PHF3: variants seen among roughly 807,000 people sequenced by gnomAD.
The protein encoded by PHF3 is PHD finger protein 3.
In PHF3, 41 loss-of-function variants were observed where a neutral mutation model predicts 178.4. The observed-to-expected ratio is 0.23, with a 90% CI of 0.18 to 0.30. The LOEUF (loss-of-function observed/expected upper bound fraction) is 0.30. Among genes scored for constraint, PHF3 ranks in the 10% least tolerant of loss-of-function variants. The pLI is 1.00. For synonymous variants in PHF3, 842 were observed against 800.5 expected (o/e 1.05, Z -0.88); for missense variants, 2,346 against 2,398.1 (o/e 0.98, Z 0.45).
rs1437186023 is a variant in PHF3 at position 63,636,078 on chromosome 6, C to T, written c.-98C>T. 2.5e-6 allele frequency: 1 copy of T among 392,638 alleles called. No homozygotes were observed. Among genetic ancestry groups the T allele is most frequent in the Non-Finnish European group, 4.5e-6 (1 of 222,656 alleles). The allele number at this position is 392,638 out of a possible 1,614,324, so 24.3% of individuals were successfully genotyped here. A position where few individuals can be genotyped will look rare whatever the true frequency, so the allele number is the denominator to read the frequency against. The stretch of plus-strand genomic sequence containing the variant: ...GCGGCACCCACCGGGCCCCCTCCTC[C>T]TCCTCTTCGGCGGCGGCAGCGTCCA... On this transcript the variant is annotated 5_prime_UTR_variant, in exon 1 of 16. Transcript: ENST00000262043.
In PHF3 at chr6:63,694,714, C is replaced by G; in HGVS notation, c.2630C>G (p.Pro877Arg). 6.3e-7 allele frequency: 1 copy of G among 1,595,956 alleles called. No individual in the cohort carries two copies. Among genetic ancestry groups the G allele is most frequent in the Admixed American group, 1.7e-5 (1 of 57,978 alleles). The change falls in exon 6 of 16, where the codon CCG becomes CGG. Residue 877 changes from proline to arginine, a missense_variant. Around this residue, in one of 8 missense-constraint regions of PHF3, gnomAD observed 252 missense variants for 232.0 expected, o/e 1.09. Transcript: ENST00000262043. Reference protein sequence around the residue: ...RSSEEKSEKIPKESTTVTCTG... With the variant: ...RSSEEKSEKIRKESTTVTCTG... ...TCAGAAGAAAAAAGTGAAAAAATAC[C>G]GAAAGAGTCTACAACTGTTACTTGC...
intron 2 of PHF3, among the ~76,000 whole-genome samples, chr6:63,676,915 A>T (rs1312250739): frequency 6.6e-6 from 1 of 152,162 alleles, no homozygotes; most frequent in African/African-American, 2.4e-5. Flanking sequence ...GATGTGTGAT[A>T]CATTTTGAAG....
intron 2 of PHF3, among the ~76,000 whole-genome samples, chr6:63,656,566 A>AT (rs139356471): frequency 0.05 from 7,618 of 151,838 alleles, 319 homozygotes; most frequent in African/African-American, 0.12. Context: ...TATTGAATTC[A>AT]TTTTTCCCCT....
chr6:63,716,369 G>A lies in PHF3; in HGVS notation c.*2661G>A, dbSNP rs927016653. On this transcript the variant is annotated 3_prime_UTR_variant, in exon 16 of 16. Transcript: ENST00000262043. ...ACCTTTCATAGCCCTCTTTCTTTGC[G>A]TTCCACTGAACTGTCTGAAACCCTT... Among the ~76,000 whole-genome samples, 18 of 152,112 alleles carry A rather than the reference G, an allele frequency of 1.2e-4. No individual in the cohort carries two copies. Among genetic ancestry groups the A allele is most frequent in the Non-Finnish European group, 1.0e-4 (7 of 67,994 alleles).
At position 63,721,219 on chromosome 6, in the gene PHF3, G is replaced by T. The variant is rs1028647946; in HGVS notation, c.*7511G>T. On this transcript the variant is annotated 3_prime_UTR_variant, in exon 16 of 16. Coordinates refer to ENST00000262043, the MANE Select transcript of PHF3 (RefSeq NM_001370348.2). Reference sequence around the variant, plus strand: ...CTTCCCACCCAACCCAAAGTACACAGGCAACTGTAAGAAAATGATTGGTCA... The same window carrying T: ...CTTCCCACCCAACCCAAAGTACACATGCAACTGTAAGAAAATGATTGGTCA... 26 of 1,551,674 alleles carry T rather than the reference G, an allele frequency of 1.7e-5. No individual in the cohort carries two copies. In the East Asian group the frequency reaches 6.4e-4, roughly 38 times the overall value.
intron 4 of PHF3, among the ~76,000 whole-genome samples, chr6:63,687,933 G>A (rs529082878): frequency 1.3e-5 from 2 of 152,208 alleles, no homozygotes; most frequent in East Asian, 3.9e-4. Context: ...TTTAACATTG[G>A]AAACAATTAT....
At chr6:63,638,488 CAT>C (rs1764441542) in intron 1 of PHF3, among the ~76,000 whole-genome samples, 1 of 152,046 alleles carries the variant, frequency 6.6e-6, no homozygotes, top group South Asian at 2.1e-4. Flanking sequence ...ATCCTTTTTA[CAT>C]ATGTTTTTTC....
chr6:63,683,076 G>T (rs1766509711), intron 3 of PHF3, among the ~76,000 whole-genome samples: 1 of 151,850 alleles, frequency 6.6e-6, no homozygotes, highest in African/African-American at 2.4e-5. Flanking sequence ...AAGTTATTAA[G>T]TACTTAACCT....
chr6:63,691,313 G>A (rs749654831), intron 4 of PHF3, among the ~76,000 whole-genome samples: 1 of 152,052 alleles, frequency 6.6e-6, no homozygotes, highest in Non-Finnish European at 1.5e-5. Context: ...GTGATGTCAC[G>A]TCTGTGGTGA....
intron 10 of PHF3, among the ~76,000 whole-genome samples, chr6:63,703,084 G>A (rs1295854537): frequency 6.6e-6 from 1 of 152,144 alleles, no homozygotes; most frequent in Admixed American, 6.5e-5. Context: ...CACCATGTTG[G>A]CCAGGCTGGT....
chr6:63,713,213 A>G lies in PHF3; in HGVS notation c.5625A>G (p.Ala1875=). 1 of 1,614,060 alleles carries G rather than the reference A, an allele frequency of 6.2e-7. No individual in the cohort carries two copies. The highest frequency in any genetic ancestry group is 8.5e-7 in the Non-Finnish European group (1 of 1,179,984). ...PQRMMGPLSQ[A]SRYIGPQNFY... ...GTATGATGGGTCCTCTCTCACAAGC[A>G]TCAAGGTATATAGGCCCGCAGAATT... The change falls in exon 16 of 16, where the codon GCA becomes GCG. Residue 1875 remains alanine, a synonymous_variant. Coordinates refer to ENST00000262043, the MANE Select transcript of PHF3 (RefSeq NM_001370348.2).
chr6:63,689,985 T>C (rs903936502), intron 4 of PHF3, among the ~76,000 whole-genome samples: 9 of 152,160 alleles, frequency 5.9e-5, no homozygotes, highest in Non-Finnish European at 1.3e-4. Flanking sequence ...TTTCAAGAAA[T>C]AGCAGTTAGC....
chr6:63,713,208 C>G lies in PHF3; in HGVS notation c.5620C>G (p.Gln1874Glu). 1 of 1,614,060 alleles carries G rather than the reference C, an allele frequency of 6.2e-7. No individual in the cohort carries two copies. The highest frequency in any genetic ancestry group is 8.5e-7 in the Non-Finnish European group (1 of 1,179,988). ...QPQRMMGPLS[Q>E]ASRYIGPQNF... ...ACAGCGTATGATGGGTCCTCTCTCA[C>G]AAGCATCAAGGTATATAGGCCCGCA... Residue 1874 changes from glutamine (Q) to glutamate (E), a missense_variant, in exon 16 of 16, where the codon CAA (glutamine) becomes GAA (glutamate). Gln to Glu is a conservative substitution (Grantham distance 29). Around this residue, in one of 8 missense-constraint regions of PHF3, gnomAD observed 839 missense variants for 806.9 expected, o/e 1.04. Transcript: ENST00000262043.
intron 2 of PHF3, among the ~76,000 whole-genome samples, chr6:63,664,598 A>G (rs1018631975): frequency 2.0e-5 from 3 of 152,136 alleles, no homozygotes; most frequent in Non-Finnish European, 2.9e-5. Flanking sequence ...AATATTTTAA[A>G]ATGTTGAGCC....
intron 6 of PHF3, among the ~76,000 whole-genome samples, chr6:63,697,062 C>T (rs1485263523): frequency 1.3e-5 from 2 of 151,656 alleles, no homozygotes; most frequent in Non-Finnish European, 2.9e-5. Flanking sequence ...TAGAAAGAGA[C>T]GGCTAGAGAG....
At chr6:63,637,589 CTTCA>C (rs1293344170) in intron 1 of PHF3, among the ~76,000 whole-genome samples, 1 of 152,096 alleles carries the variant, frequency 6.6e-6, no homozygotes, top group Non-Finnish European at 1.5e-5. Flanking sequence ...TAATTTTTCT[CTTCA>C]TTCATCTGTT....
Position 63,713,292 on chromosome 6 carries a change from G to GGTAGCC in PHF3, c.5708_5709insCCGTAG (p.Gly1902_Arg1903insSerArg), listed in dbSNP as rs752851600. 1 of 1,614,014 alleles carries GGTAGCC rather than the reference G, an allele frequency of 6.2e-7. No individual in the cohort carries two copies. The highest frequency in any genetic ancestry group is 8.5e-7 in the Non-Finnish European group (1 of 1,179,986). ...AGAAAGGCGCCATAGTGACCCTTGG[G>GGTAGCC]GTAGGCAAGACCAACAGCAACTGGA... On this transcript the variant is annotated inframe_insertion, in exon 16 of 16. Transcript: ENST00000262043.
At chr6:63,703,406 A>G (rs1211104578) in intron 10 of PHF3, 130 bp from the exon 11 acceptor site, 1 of 960,934 alleles carries the variant, frequency 1.0e-6, no homozygotes, top group Non-Finnish European at 1.5e-6. Flanking sequence ...AAACCAAAAA[A>G]CAAAAATCAA....
At position 63,684,717 on chromosome 6, in the gene PHF3, A is replaced by G. The variant is rs748573789; in HGVS notation, c.995A>G (p.Asp332Gly). Residue 332 changes from aspartate (D) to glycine (G), a missense_variant, in exon 4 of 16, where the codon GAT becomes GGT. Coordinates refer to ENST00000262043, the MANE Select transcript of PHF3 (RefSeq NM_001370348.2). ...GAGACAGTAAAATTATCCCATGAAG[A>G]TGACCATATTCTTGAGGACGCTGGA... ...SKETVKLSHE[D>G]DHILEDAGSS... 1 of 1,613,650 alleles carries G rather than the reference A, an allele frequency of 6.2e-7. No individual in the cohort carries two copies. The highest frequency in any genetic ancestry group is 1.3e-5 in the African/African-American group (1 of 74,936).
Sources: allele counts gnomAD v4.1 joint callset (sites outside exome capture counted in the v4.1 genomes callset), GRCh38; gene constraint gnomAD v4.1.1; regional missense constraint gnomAD v4.1.1; transcripts MANE v1.5; gene names NCBI Gene and HGNC (gene_info 2026-07-23, HGNC 2026-07-21).